ZNF804A: variants seen among roughly 807,000 people sequenced by gnomAD.
ZNF804A encodes zinc finger protein 804A.
Under a neutral mutation model 16.5 loss-of-function variants are expected in ZNF804A, and 2 were observed. The ratio of observed to expected loss-of-function variants is 0.12; its 90% CI spans 0.05 to 0.38. The LOEUF (loss-of-function observed/expected upper bound fraction) is 0.38, where lower values mean the gene tolerates loss of function less well. Ranked by LOEUF, ZNF804A falls within the 10% of genes least tolerant of loss-of-function variation. The probability of loss-of-function intolerance (pLI) is 0.99; values close to 1 mark genes in which losing one functional copy is unlikely to be tolerated. For synonymous variants in ZNF804A, 534 were observed against 489.6 expected, an observed-to-expected ratio of 1.09 and a Z score of -1.20; for missense variants, 1,473 against 1,390.7, an observed-to-expected ratio of 1.06 and a Z score of -0.94.
chr2:184,714,145 C>T (rs1693178039), intron 1 of ZNF804A, among the ~76,000 whole-genome samples: 1 of 151,854 alleles, frequency 6.6e-6, no homozygotes, highest in Admixed American at 6.6e-5. Context: ...ATTGTTAAAT[C>T]ATGTTGGAAA....
intron 2 of ZNF804A, among the ~76,000 whole-genome samples, chr2:184,931,726 G>T (rs183281916): frequency 6.6e-6 from 1 of 152,076 alleles, no homozygotes; most frequent in Non-Finnish European, 1.5e-5. Context: ...GCAAATTTCC[G>T]CAGCCAGCTT....
At chr2:184,730,402 G>C (rs947767468) in intron 1 of ZNF804A, among the ~76,000 whole-genome samples, 6 of 152,084 alleles carry the variant, frequency 3.9e-5, no homozygotes, top group Non-Finnish European at 7.4e-5. Context: ...GGAATCAATA[G>C]TTTGTGTTAG....
chr2:184,613,040 T>C (rs1294306572), intron 1 of ZNF804A, among the ~76,000 whole-genome samples: 1 of 152,166 alleles, frequency 6.6e-6, no homozygotes, highest in Non-Finnish European at 1.5e-5. Context: ...ACATATGATG[T>C]TGTATGAACA....
chr2:184,927,805 C>A (rs1254851649), intron 2 of ZNF804A, among the ~76,000 whole-genome samples: 2 of 152,184 alleles, frequency 1.3e-5, no homozygotes, highest in East Asian at 3.9e-4. Context: ...CTGCTATTTC[C>A]TTAAGAGTCA....
chr2:184,755,755 A>G (rs1165715721), intron 1 of ZNF804A, among the ~76,000 whole-genome samples: 1 of 151,990 alleles, frequency 6.6e-6, no homozygotes. Context: ...TTTGTAAAAG[A>G]TGTGTGCTGC....
chr2:184,814,353 T>C (rs1694946569), intron 1 of ZNF804A, among the ~76,000 whole-genome samples: 1 of 152,092 alleles, frequency 6.6e-6, no homozygotes, highest in Non-Finnish European at 1.5e-5. Context: ...TCAAAATTGC[T>C]GTTTTGCACT....
chr2:184,737,057 G>C (rs1415058627), intron 1 of ZNF804A, among the ~76,000 whole-genome samples: 2 of 147,414 alleles, frequency 1.4e-5, no homozygotes, highest in Non-Finnish European at 3.0e-5. Flanking sequence ...TTTTTTGTTT[G>C]TTTTTTGTTT....
intron 1 of ZNF804A, among the ~76,000 whole-genome samples, chr2:184,781,127 A>G (rs1458233709): frequency 6.6e-6 from 1 of 151,772 alleles, no homozygotes; most frequent in African/African-American, 2.4e-5. Flanking sequence ...TGCCAATCAA[A>G]ATACACATTG....
At chr2:184,772,981 ATGTGTGTGTGGGGTGTGTGTG>A (rs1694239864) in intron 1 of ZNF804A, among the ~76,000 whole-genome samples, 1 of 125,958 alleles carries the variant, frequency 7.9e-6, no homozygotes, top group Admixed American at 7.5e-5. Context: ...GTATATATAT[ATGTGTGTGTGGGGTGTGTGTG>A]TGTATATATA....
intron 1 of ZNF804A, among the ~76,000 whole-genome samples, chr2:184,754,527 T>A (rs567559267): frequency 1.3e-5 from 2 of 151,898 alleles, no homozygotes; most frequent in East Asian, 3.9e-4. Flanking sequence ...ATTTCAGCTA[T>A]TGGTTTCTTT....
intron 1 of ZNF804A, among the ~76,000 whole-genome samples, chr2:184,647,761 A>G (rs1228426924): frequency 1.3e-5 from 2 of 152,208 alleles, no homozygotes; most frequent in African/African-American, 4.8e-5. Context: ...CTTACAAAAC[A>G]CTGGTATTCC....
At chr2:184,654,238 T>C (rs1194376053) in intron 1 of ZNF804A, among the ~76,000 whole-genome samples, 3 of 152,192 alleles carry the variant, frequency 2.0e-5, no homozygotes, top group Non-Finnish European at 2.9e-5. Context: ...AATAAAGAAA[T>C]GGGCAAGGCC....
At chr2:184,720,319 A>C (rs1693289766) in intron 1 of ZNF804A, among the ~76,000 whole-genome samples, 1 of 152,196 alleles carries the variant, frequency 6.6e-6, no homozygotes, top group Admixed American at 6.6e-5. Flanking sequence ...AGAAATTTAT[A>C]TTGTTCCTTT....
At chr2:184,751,534 CA>C (rs1693878231) in intron 1 of ZNF804A, among the ~76,000 whole-genome samples, 1 of 151,288 alleles carries the variant, frequency 6.6e-6, no homozygotes, top group South Asian at 2.1e-4. Flanking sequence ...ATCAAATTAA[CA>C]AGATTCTACA....
In ZNF804A at chr2:184,851,198, C is replaced by G. The variant is rs759795330; in HGVS notation, c.112-15171C>G. 3.3e-5 allele frequency among the ~76,000 whole-genome samples: 5 copies of G among 151,694 alleles called. 1 individual carries two copies. The highest frequency in any genetic ancestry group is 7.4e-5 in the Non-Finnish European group (5 of 67,794). On this transcript the variant is annotated intron_variant, in intron 1 of 3. Coordinates refer to ENST00000302277, the MANE Select transcript of ZNF804A (RefSeq NM_194250.2). Reference sequence around the variant, plus strand: ...TTTTAATTTGTTTGTGGAGAGAGCACGTAAAATCTACCCTCTTAGCAGTTT... The same window carrying G: ...TTTTAATTTGTTTGTGGAGAGAGCAGGTAAAATCTACCCTCTTAGCAGTTT...
At chr2:184,657,496 G>C (rs1271836980) in intron 1 of ZNF804A, among the ~76,000 whole-genome samples, 2 of 152,066 alleles carry the variant, frequency 1.3e-5, no homozygotes, top group African/African-American at 4.8e-5. Flanking sequence ...TTGACGCTCA[G>C]GCTTATTAAA....
rs201119337 is a variant in ZNF804A, at chr2:184,662,852, G to A, written c.111+63782G>A. 3.3e-5 allele frequency among the ~76,000 whole-genome samples: 5 copies of A among 152,114 alleles called. No individual in the cohort carries two copies. The East Asian group carries it at 9.6e-4, about 29-fold the overall frequency. On this transcript the variant is annotated intron_variant, in intron 1 of 3. Transcript: ENST00000302277. ...GACTACCCTTTATTTAATACATCAA[G>A]TATTTTTGAACCATGCATTATCTTT...
At chr2:184,797,077 C>T (rs1162046595) in intron 1 of ZNF804A, among the ~76,000 whole-genome samples, 1 of 152,072 alleles carries the variant, frequency 6.6e-6, no homozygotes, top group African/African-American at 2.4e-5. Context: ...TTTCTATGCA[C>T]TGTTGAATAG....
intron 1 of ZNF804A, among the ~76,000 whole-genome samples, chr2:184,698,796 C>A (rs1692875627): frequency 6.6e-6 from 1 of 152,082 alleles, no homozygotes; most frequent in South Asian, 2.1e-4. Flanking sequence ...CTAAGTGTCA[C>A]ATCCAGATGC....
Sources: gnomAD v4.1 joint callset for allele counts (sites outside exome capture counted in the v4.1 genomes callset) on GRCh38, gnomAD v4.1.1 for gene constraint, MANE v1.5 for transcripts, NCBI Gene and HGNC (gene_info 2026-07-23, HGNC 2026-07-21) for gene names.